Variants in SLC38A6 observed in about 807,000 individuals in gnomAD.
The protein encoded by SLC38A6 is N system amino acid transporter NAT-1.
SLC38A6 carries 73 observed loss-of-function variants against 65.0 expected under a neutral mutation model. The observed-to-expected ratio is 1.12, with a 90% confidence interval of 0.93 to 1.37. The LOEUF (loss-of-function observed/expected upper bound fraction) is 1.37. SLC38A6 is among the 40% of genes most tolerant of loss of function. The pLI is 0.00. For missense variants in SLC38A6, 561 were observed against 531.1 expected, an observed-to-expected ratio of 1.06 and a Z score of -0.55; for synonymous variants, 183 against 178.8, an observed-to-expected ratio of 1.02 and a Z score of -0.19.
intron 6 of SLC38A6, among the ~76,000 whole-genome samples, chr14:61,035,600 C>CA (rs2041302340): frequency 6.6e-6 from 1 of 152,114 alleles, no homozygotes; most frequent in Non-Finnish European, 1.5e-5. Context: ...AGAGATAGTA[C>CA]TAATTGGCAC....
rs768349138 is a variant in SLC38A6, at chr14:61,037,120, C to G, written c.544C>G (p.Leu182Val). ...IIICVGIVFP[L>V]ALLPKIGFLG... ...CATATGTGTTGGCATTGTGTTCCCT[C>G]TTGCACTTCTTCCCAAAATAGGTAA... The change falls in exon 7 of 16, where the codon CTT becomes GTT. Residue 182 changes from leucine (L) to valine (V), a missense_variant. Coordinates refer to ENST00000267488, the MANE Select transcript of SLC38A6 (RefSeq NM_153811.3). 6.2e-7 allele frequency: 1 copy of G among 1,605,144 alleles called. No individual in the cohort carries two copies. Among genetic ancestry groups the G allele is most frequent in the African/African-American group, 1.3e-5 (1 of 74,568 alleles).
intron 5 of SLC38A6, 144 bp from the exon 6 acceptor site, chr14:61,030,299 GTA>G (rs1555354012): frequency 2.4e-5 from 12 of 495,546 alleles, no homozygotes; most frequent in Admixed American, 7.4e-5. Context: ...GTGTGTGTGT[GTA>G]TGTATCTTTG....
chr14:61,049,830 G>C (rs2042399709), intron 12 of SLC38A6, among the ~76,000 whole-genome samples: 1 of 152,064 alleles, frequency 6.6e-6, no homozygotes, highest in Admixed American at 6.6e-5. Flanking sequence ...CTTTCCCCTT[G>C]TCTGGGTTGA....
chr14:60,989,040 C>T (rs1191214234), intron 3 of SLC38A6, among the ~76,000 whole-genome samples: 1 of 152,176 alleles, frequency 6.6e-6, no homozygotes, highest in Non-Finnish European at 1.5e-5. Flanking sequence ...TATATCTTCT[C>T]CTGTCAAACC....
At chr14:61,034,692 C>A (rs2041231407) in intron 6 of SLC38A6, among the ~76,000 whole-genome samples, 1 of 152,118 alleles carries the variant, frequency 6.6e-6, no homozygotes, top group Admixed American at 6.6e-5. Context: ...CGTTGAGTAT[C>A]ATTTTTGTAT....
At chr14:61,038,951 G>A (rs1317928699) in intron 8 of SLC38A6, among the ~76,000 whole-genome samples, 3 of 152,148 alleles carry the variant, frequency 2.0e-5, no homozygotes, top group Non-Finnish European at 2.9e-5. Context: ...TCATTTGATT[G>A]TTGAGAAGTG....
At chr14:61,061,147 C>T (rs969024268) in intron 15 of SLC38A6, among the ~76,000 whole-genome samples, 1 of 152,136 alleles carries the variant, frequency 6.6e-6, no homozygotes, top group Admixed American at 6.5e-5. Context: ...GGCTCCTCCC[C>T]CAAGTGTTGA....
chr14:61,006,834 A>C (rs895711673), intron 3 of SLC38A6, among the ~76,000 whole-genome samples: 2 of 152,172 alleles, frequency 1.3e-5, no homozygotes, highest in Admixed American at 1.3e-4. Context: ...TATATACCCA[A>C]AGGACTATAA....
At chr14:61,017,088 C>A (rs1408449904) in intron 4 of SLC38A6, among the ~76,000 whole-genome samples, 4 of 152,100 alleles carry the variant, frequency 2.6e-5, no homozygotes, top group Non-Finnish European at 5.9e-5. Flanking sequence ...GTTGCCCAGG[C>A]TGGAGTGAAA....
At chr14:61,046,941 ATTACT>A (rs1418885118) in intron 12 of SLC38A6, among the ~76,000 whole-genome samples, 1 of 152,232 alleles carries the variant, frequency 6.6e-6, no homozygotes, top group Non-Finnish European at 1.5e-5. Flanking sequence ...ATAAAACAAA[ATTACT>A]TAAATATATA....
chr14:61,054,262 T>G (rs1204319238), downstream of SLC38A6, among the ~76,000 whole-genome samples: 1 of 152,184 alleles, frequency 6.6e-6, no homozygotes, highest in Non-Finnish European at 1.5e-5. Flanking sequence ...TGTCATGCAG[T>G]TTTAGTTCCT....
chr14:61,072,804 A>G (rs1002101521), intron 15 of SLC38A6, among the ~76,000 whole-genome samples: 1 of 152,188 alleles, frequency 6.6e-6, no homozygotes, highest in Non-Finnish European at 1.5e-5. Flanking sequence ...GTTACTTCCA[A>G]ATCTTGGCTA....
chr14:61,034,646 T>G (rs1186161386), intron 6 of SLC38A6, among the ~76,000 whole-genome samples: 1 of 152,144 alleles, frequency 6.6e-6, no homozygotes, highest in Non-Finnish European at 1.5e-5. Context: ...AAGTTTCTGT[T>G]TTGATTCTTA....
chr14:61,047,167 A>G (rs1478121497), intron 12 of SLC38A6, among the ~76,000 whole-genome samples: 2 of 152,128 alleles, frequency 1.3e-5, no homozygotes, highest in African/African-American at 4.8e-5. Context: ...AAAAGTCCAA[A>G]AAAACTGACC....
At chr14:61,038,183 A>G (rs895076281) in intron 8 of SLC38A6, among the ~76,000 whole-genome samples, 1 of 152,140 alleles carries the variant, frequency 6.6e-6, no homozygotes, top group Non-Finnish European at 1.5e-5. Flanking sequence ...TCATAAAAAC[A>G]CTACTACAAA....
At chr14:61,032,119 G>A (rs1011439823) in intron 6 of SLC38A6, among the ~76,000 whole-genome samples, 1 of 151,852 alleles carries the variant, frequency 6.6e-6, no homozygotes, top group African/African-American at 2.4e-5. Context: ...ATTAAACGTG[G>A]TGTTTCCCTT....
At chr14:61,009,068 C>A (rs1294062774) in intron 3 of SLC38A6, among the ~76,000 whole-genome samples, 1 of 152,030 alleles carries the variant, frequency 6.6e-6, no homozygotes, top group Non-Finnish European at 1.5e-5. Flanking sequence ...CATAAGCGTT[C>A]AAAAGTTTTC....
Position 61,050,618 on chromosome 14 carries a change from C to G in SLC38A6, c.1032C>G (p.Val344=). The part of the protein sequence containing the change: ...LCILFAVLLT[V]PLIHFPARKA... ...TACTATTTGCTGTGCTTTTGACAGT[C>G]CCTCTAATCCACTTCCCTGTAAGTA... is the stretch of plus-strand genomic sequence containing the variant. Residue 344 remains valine, a synonymous_variant, in exon 13 of 16, where the codon GTC becomes GTG. Coordinates refer to ENST00000267488, the MANE Select transcript of SLC38A6 (RefSeq NM_153811.3). 1.9e-6 allele frequency: 3 copies of G among 1,572,688 alleles called. No individual in the cohort carries two copies. The highest frequency in any genetic ancestry group is 1.2e-5 in the South Asian group (1 of 83,720).
At chr14:60,999,219 G>A (rs974849654) in intron 3 of SLC38A6, among the ~76,000 whole-genome samples, 1 of 152,184 alleles carries the variant, frequency 6.6e-6, no homozygotes, top group African/African-American at 2.4e-5. Flanking sequence ...ACTGTTGGTT[G>A]CTTCCAAAAA....
Sources: allele counts gnomAD v4.1 joint callset (sites outside exome capture counted in the v4.1 genomes callset), GRCh38; gene constraint gnomAD v4.1.1; transcripts MANE v1.5; gene names NCBI Gene and HGNC (gene_info 2026-07-23, HGNC 2026-07-21).